The following CAMK2G variants were observed in gnomAD, a reference collection of about 807,000 sequenced individuals.
CAMK2G encodes calcium/calmodulin-dependent protein kinase type II subunit gamma.
CAMK2G carries 23 observed loss-of-function variants against 88.7 expected under a neutral mutation model. That is an observed-to-expected ratio of 0.26 (90% CI 0.19 to 0.37). The LOEUF is 0.37. CAMK2G is among the 10% of genes least tolerant of loss of function. The probability of loss-of-function intolerance (pLI) is 1.00; values close to 1 mark genes in which losing one functional copy is unlikely to be tolerated. For missense variants in CAMK2G, 476 were observed against 780.8 expected (o/e 0.61, Z 4.65); for synonymous variants, 263 against 294.8 (o/e 0.89, Z 1.11).
At chr10:73,825,396 A>ACTCAGGTTCAACT (rs775609755) in intron 15 of CAMK2G, 49 bp from the exon 16 acceptor site, 1 of 1,466,620 alleles carries the variant, frequency 6.8e-7, no homozygotes, top group Non-Finnish European at 9.6e-7. Context: ...CCCCAAGGCC[A>ACTCAGGTTCAACT]CTCAGGTTCA....
rs867891367 is a variant in CAMK2G, at chr10:73,860,759, A to C, written c.220+71T>G. 108 of 1,125,204 alleles carry C rather than the reference A, an allele frequency of 9.6e-5. 2 individuals carry two copies. In the Middle Eastern group the frequency reaches 1.8e-3, roughly 18 times the overall value. 69.7% of individuals were successfully genotyped at this position (1,125,204 alleles called of 1,614,324 possible). A position where few individuals can be genotyped will look rare whatever the true frequency, so the allele number is the denominator to read the frequency against. ...CACAGACAGAGGTGATCCCACACAC[A>C]AAAGCAGTGGATATCTGTTATCCCT... On this transcript the variant is annotated intron_variant, in intron 3 of 22. Transcript: ENST00000423381.
chr10:73,833,850 C>T (rs1323804133), intron 14 of CAMK2G, among the ~76,000 whole-genome samples: 1 of 148,894 alleles, frequency 6.7e-6, no homozygotes, highest in African/African-American at 2.5e-5. Context: ...CAGCCCACCT[C>T]AGCATCCCAA....
chr10:73,849,193 C>G (rs1013743392), intron 6 of CAMK2G, 68 bp downstream of exon 6: 116 of 1,564,768 alleles, frequency 7.4e-5, no homozygotes, highest in Non-Finnish European at 9.6e-5. Context: ...CTACGCAGTA[C>G]CACTATCTGG....
At chr10:73,816,172 T>C in intron 21 of CAMK2G, 1 of 984,986 alleles carries the variant, frequency 1.0e-6, no homozygotes, top group Non-Finnish European at 1.2e-6. Context: ...TGGGAGGGGG[T>C]GATGATTCAG....
chr10:73,862,297 ACCCCCCC>A (rs111889953), intron 2 of CAMK2G, among the ~76,000 whole-genome samples: 1 of 75,890 alleles, frequency 1.3e-5, no homozygotes, highest in Non-Finnish European at 2.6e-5. Flanking sequence ...CTCCTACTCC[ACCCCCCC>A]CCCCCCCGAT....
chr10:73,819,429 C>G lies in CAMK2G; in HGVS notation c.1363+103G>C. 3 of 807,474 alleles carry G rather than the reference C, an allele frequency of 3.7e-6. No homozygotes were observed. The South Asian group carries it at 4.5e-5, about 12-fold the overall frequency. 50.0% of individuals were successfully genotyped at this position (807,474 alleles called of 1,614,324 possible). On this transcript the variant is annotated intron_variant, in intron 19 of 22. Coordinates refer to ENST00000423381, the MANE Select transcript of CAMK2G (RefSeq NM_001367534.1). ...GAGGCCATGCTCCCAGAGCTTACTA[C>G]CACGGGCAGGTGGGTGGGACTGACA...
rs2093631488 is a variant in CAMK2G, at chr10:73,839,901, G to A, written c.947-300C>T. 6.6e-6 allele frequency among the ~76,000 whole-genome samples: 1 copy of A among 152,174 alleles called. No individual in the cohort carries two copies. The highest frequency in any genetic ancestry group is 2.4e-5 in the African/African-American group (1 of 41,448). ...GGAGGGTCCACAGCGAAATGCCTGAGCCGGTGAGAGGCAGGTGCCCCTTCT... is the reference window on the plus strand; with the variant it reads ...GGAGGGTCCACAGCGAAATGCCTGAACCGGTGAGAGGCAGGTGCCCCTTCT... On this transcript the variant is annotated intron_variant, in intron 12 of 22. Coordinates refer to ENST00000423381, the MANE Select transcript of CAMK2G (RefSeq NM_001367534.1). The surrounding 1 kb of genome is among the most constrained non-coding windows in gnomAD (Gnocchi z 4.2).
intron 10 of CAMK2G, among the ~76,000 whole-genome samples, chr10:73,844,943 G>GAGA (rs745938617): frequency 5.3e-5 from 8 of 152,074 alleles, no homozygotes; most frequent in Non-Finnish European, 1.2e-4. Flanking sequence ...CTCCCTTACT[G>GAGA]AGACCCCCTG....
At chr10:73,818,646 G>A (rs544638571) in intron 19 of CAMK2G, 24 of 453,268 alleles carry the variant, frequency 5.3e-5, no homozygotes, top group South Asian at 2.8e-4. Context: ...CCCCACAGCC[G>A]TCAGCCCCGC....
chr10:73,821,654 C>A lies in CAMK2G; in HGVS notation c.1249+28G>T. 2.5e-6 allele frequency: 4 copies of A among 1,587,992 alleles called. 1 individual carries two copies. In the South Asian group the frequency reaches 3.4e-5, roughly 13 times the overall value. On this transcript the variant is annotated intron_variant, in intron 18 of 22. Transcript: ENST00000423381. ...CAGGTACCTGGGTCACTGCTGGAGT[C>A]CTTCCCCCTCCAAGGGCCAGCACCT...
At position 73,839,288 on chromosome 10, in the gene CAMK2G, G is replaced by A. The variant is rs1186892664; in HGVS notation, c.1009+251C>T. ...GCATCGGGCTCTTGGCAAGGCTCCC[G>A]CTGCCCAGCTCCATGCCCCCAGGCT... On this transcript the variant is annotated intron_variant, in intron 13 of 22. Coordinates refer to ENST00000423381, the MANE Select transcript of CAMK2G (RefSeq NM_001367534.1). This position sits in a 1 kb window ranked among gnomAD's most constrained non-coding sequence, Gnocchi z 4.2. Among the ~76,000 whole-genome samples, 1 of 152,214 alleles carries A rather than the reference G, an allele frequency of 6.6e-6. No homozygotes were observed. The highest frequency in any genetic ancestry group is 1.5e-5 in the Non-Finnish European group (1 of 68,020).
At chr10:73,857,967 A>G (rs2095163872) in intron 3 of CAMK2G, among the ~76,000 whole-genome samples, 1 of 152,194 alleles carries the variant, frequency 6.6e-6, no homozygotes, top group African/African-American at 2.4e-5. Context: ...GAACATTCCC[A>G]AATACCCCAC....
chr10:73,855,556 C>G (rs1484025001), intron 3 of CAMK2G, among the ~76,000 whole-genome samples: 2 of 152,146 alleles, frequency 1.3e-5, no homozygotes. Flanking sequence ...CACCACCCTG[C>G]CCCCGCCCAG....
rs1052627563 is a variant in CAMK2G, at chr10:73,842,804, T to G, written c.820-263A>C. On this transcript the variant is annotated intron_variant, in intron 10 of 22. Transcript: ENST00000423381. The surrounding 1 kb of genome is among the most constrained non-coding windows in gnomAD (Gnocchi z 4.6). ...TGCTGAGAGACCGTCCTATTCTTCC[T>G]TGGGAAACAGAGGCTACCGAACAGG... Among the ~76,000 whole-genome samples the G allele has an allele frequency of 6.6e-6, 1 of 152,210 alleles. No individual in the cohort carries two copies. The highest frequency in any genetic ancestry group is 1.5e-5 in the Non-Finnish European group (1 of 68,026).
chr10:73,817,414 G>C, intron 20 of CAMK2G, 65 bp downstream of exon 20: 1 of 1,157,174 alleles, frequency 8.6e-7, no homozygotes, highest in South Asian at 1.2e-5. Flanking sequence ...CCTAATTGTT[G>C]TCTGGAAGCA....
At chr10:73,831,521 G>C (rs2092427392) in intron 14 of CAMK2G, among the ~76,000 whole-genome samples, 1 of 133,834 alleles carries the variant, frequency 7.5e-6, no homozygotes, top group African/African-American at 2.8e-5. Context: ...CTGGGTGAGA[G>C]TGAGACTCCG....
chr10:73,818,459 C>T, intron 19 of CAMK2G: 1 of 344,974 alleles, frequency 2.9e-6, no homozygotes. Context: ...TGAGCTTGGG[C>T]TCATCCTAAC....
Position 73,842,253 on chromosome 10 carries a change from GA to G in CAMK2G, c.904-43del. ...GTCCTGTGAATTCACTGAGACCCTA[GA>G]AAAGGGCAGGCTGGTCTCAGGCAAA... is the stretch of plus-strand genomic sequence containing the variant. On this transcript the variant is annotated intron_variant, in intron 11 of 22. Transcript: ENST00000423381. This position sits in a 1 kb window ranked among gnomAD's most constrained non-coding sequence, Gnocchi z 4.6. 1 of 1,538,956 alleles carries G rather than the reference GA, an allele frequency of 6.5e-7. No homozygotes were observed. The highest frequency in any genetic ancestry group is 9.0e-7 in the Non-Finnish European group (1 of 1,111,324).
intron 12 of CAMK2G, among the ~76,000 whole-genome samples, chr10:73,840,377 A>G (rs571743318): frequency 7.1e-4 from 108 of 152,312 alleles, no homozygotes; most frequent in African/African-American, 2.5e-3. Context: ...CAACTCAAAA[A>G]ACAGCCCTAG....
Sources: gnomAD v4.1 joint callset for allele counts (sites outside exome capture counted in the v4.1 genomes callset) on GRCh38, gnomAD v4.1.1 for gene constraint, Gnocchi (gnomAD v3.1) non-coding constraint, MANE v1.5 for transcripts, NCBI Gene and HGNC (gene_info 2026-07-23, HGNC 2026-07-21) for gene names.